Variants in GLCE observed in about 807,000 individuals in gnomAD.
GLCE encodes D-glucuronyl C5-epimerase.
Under a neutral mutation model 47.9 loss-of-function variants are expected in GLCE, and 19 were observed. That is an observed-to-expected ratio of 0.40 (90% confidence interval 0.28 to 0.58). The LOEUF (loss-of-function observed/expected upper bound fraction) is 0.58. Among genes scored for constraint, GLCE ranks in the 20% least tolerant of loss-of-function variants. The pLI is 0.48. For synonymous variants in GLCE, 245 were observed against 263.4 expected (o/e 0.93, Z 0.68); for missense variants, 556 against 743.3 (o/e 0.75, Z 2.93).
At chr15:69,213,289 C>T (rs1344277698) in intron 2 of GLCE, among the ~76,000 whole-genome samples, 1 of 152,010 alleles carries the variant, frequency 6.6e-6, no homozygotes, top group Non-Finnish European at 1.5e-5. Flanking sequence ...CACTAATGTT[C>T]TTTTTCCAGG....
At chr15:69,190,807 G>A (rs1218775946) in intron 1 of GLCE, among the ~76,000 whole-genome samples, 1 of 151,992 alleles carries the variant, frequency 6.6e-6, no homozygotes, top group Non-Finnish European at 1.5e-5. Context: ...CTACTGTTGT[G>A]CTGTTTGTTT....
intron 4 of GLCE, among the ~76,000 whole-genome samples, chr15:69,267,031 G>T (rs962095853): frequency 6.7e-6 from 1 of 148,744 alleles, no homozygotes; most frequent in Non-Finnish European, 1.5e-5. Flanking sequence ...TTTAAAATTT[G>T]TACTACGTAT....
chr15:69,233,427 G>T (rs2140407607), intron 2 of GLCE, among the ~76,000 whole-genome samples: 1 of 152,266 alleles, frequency 6.6e-6, no homozygotes, highest in South Asian at 2.1e-4. Flanking sequence ...CCAAGAAACT[G>T]CTAGAAAAAT....
chr15:69,249,418 A>G (rs2052804173), intron 2 of GLCE, among the ~76,000 whole-genome samples: 1 of 152,230 alleles, frequency 6.6e-6, no homozygotes. Context: ...CTTACCTGCC[A>G]CATAGTAGCT....
intron 2 of GLCE, among the ~76,000 whole-genome samples, chr15:69,212,657 A>G (rs914399570): frequency 6.6e-6 from 1 of 152,094 alleles, no homozygotes; most frequent in Non-Finnish European, 1.5e-5. Context: ...TATTCAGACT[A>G]AAAGAGAATG....
intron 1 of GLCE, among the ~76,000 whole-genome samples, chr15:69,182,462 G>A (rs1157483741): frequency 1.3e-5 from 2 of 152,064 alleles, no homozygotes; most frequent in Non-Finnish European, 2.9e-5. Context: ...GCAGAAAATT[G>A]CATTGGTAAC....
Position 69,268,544 on chromosome 15 carries a change from C to T in GLCE, c.1154C>T (p.Ala385Val). The T allele has an allele frequency of 6.2e-7, 1 of 1,614,156 alleles. No homozygotes were observed. Among genetic ancestry groups the T allele is most frequent in the Non-Finnish European group, 8.5e-7 (1 of 1,180,012 alleles). ...CCCAAGAAGGTGGTTAGGTTGATTG[C>T]AAAAGGTAAGGGATTCCTCGACAAC... is the stretch of plus-strand genomic sequence containing the variant. ...IMPKKVVRLI[A>V]KGKGFLDNIT... is the part of the protein sequence containing the mutation. The change falls in exon 5 of 5, where the codon GCA becomes GTA. Residue 385 changes from alanine (A) to valine (V), a missense_variant. Physicochemically the swap from Ala to Val is moderately conservative, Grantham distance 64. Transcript: ENST00000261858.
chr15:69,261,691 G>T (rs566117461), intron 4 of GLCE, among the ~76,000 whole-genome samples: 4 of 152,212 alleles, frequency 2.6e-5, no homozygotes, highest in African/African-American at 9.6e-5. Context: ...AAATAGAATG[G>T]TTTTAAGGAG....
chr15:69,253,208 T>C (rs538982476), intron 2 of GLCE, among the ~76,000 whole-genome samples: 1 of 152,342 alleles, frequency 6.6e-6, no homozygotes, highest in South Asian at 2.1e-4. Context: ...ACTAGGCAGA[T>C]TTTCTTTACA....
chr15:69,200,576 A>G (rs1304434583), intron 1 of GLCE, among the ~76,000 whole-genome samples: 2 of 152,166 alleles, frequency 1.3e-5, no homozygotes, highest in Non-Finnish European at 2.9e-5. Context: ...TGACAGATGT[A>G]GGGAATATGA....
At chr15:69,169,733 T>C (rs1490639372) in intron 1 of GLCE, among the ~76,000 whole-genome samples, 1 of 152,224 alleles carries the variant, frequency 6.6e-6, no homozygotes, top group Non-Finnish European at 1.5e-5. Context: ...TCATCCTTTT[T>C]TATTGCTGCA....
At chr15:69,264,068 A>G (rs1001283459) in intron 4 of GLCE, among the ~76,000 whole-genome samples, 4 of 152,152 alleles carry the variant, frequency 2.6e-5, no homozygotes, top group Non-Finnish European at 4.4e-5. Context: ...ACAATACAGT[A>G]TTATAAGCTG....
intron 1 of GLCE, among the ~76,000 whole-genome samples, chr15:69,179,632 A>T (rs951932334): frequency 6.6e-6 from 1 of 152,202 alleles, no homozygotes; most frequent in Non-Finnish European, 1.5e-5. Context: ...TCCTGGCCTT[A>T]AAGAGCATAT....
intron 2 of GLCE, among the ~76,000 whole-genome samples, chr15:69,241,785 C>G (rs1478567257): frequency 1.3e-5 from 2 of 152,198 alleles, no homozygotes; most frequent in Non-Finnish European, 2.9e-5. Context: ...GAACAGCAAT[C>G]TGTGTTTGAA....
intron 1 of GLCE, among the ~76,000 whole-genome samples, chr15:69,162,896 A>C (rs1456853516): frequency 6.6e-6 from 1 of 152,114 alleles, no homozygotes; most frequent in East Asian, 1.9e-4. Flanking sequence ...TCTTAGATAC[A>C]ATTTTTTTTA....
intron 4 of GLCE, among the ~76,000 whole-genome samples, chr15:69,267,398 G>C (rs555777290): frequency 1.9e-4 from 29 of 152,210 alleles, no homozygotes; most frequent in African/African-American, 7.0e-4. Flanking sequence ...CAAAGCTAGT[G>C]GTTGAACAAA....
intron 1 of GLCE, among the ~76,000 whole-genome samples, chr15:69,178,643 A>G (rs1048685488): frequency 3.9e-5 from 6 of 152,160 alleles, no homozygotes; most frequent in African/African-American, 1.4e-4. Context: ...TCAGATTGAC[A>G]AGGATTAAAA....
At chr15:69,184,292 A>G (rs2051791665) in intron 1 of GLCE, among the ~76,000 whole-genome samples, 1 of 152,212 alleles carries the variant, frequency 6.6e-6, no homozygotes, top group Non-Finnish European at 1.5e-5. Flanking sequence ...TGCAATGCGG[A>G]ATAATGACAT....
rs533524602 is a variant in GLCE, at chr15:69,209,378, A to G, written c.-104-938A>G. ...TTAGGAGACGTTGGGTCTTGTTTAA[A>G]TACTATGCAAAATGTTGATATATTT... On this transcript the variant is annotated intron_variant, in intron 1 of 4. Coordinates refer to ENST00000261858, the MANE Select transcript of GLCE (RefSeq NM_015554.3). Among the ~76,000 whole-genome samples the G allele has an allele frequency of 5.9e-5, 9 of 152,212 alleles. No individual in the cohort carries two copies. In the South Asian group the frequency reaches 1.7e-3, roughly 28 times the overall value.
Sources: gnomAD v4.1 joint callset for allele counts (sites outside exome capture counted in the v4.1 genomes callset) on GRCh38, gnomAD v4.1.1 for gene constraint, MANE v1.5 for transcripts, NCBI Gene and HGNC (gene_info 2026-07-23, HGNC 2026-07-21) for gene names.